Variants in NCAM1 observed in about 807,000 individuals in gnomAD.
NCAM1 encodes the protein antigen recognized by monoclonal antibody 5.1H11.
NCAM1 carries 14 observed loss-of-function variants against 109.8 expected under a neutral mutation model. That is an observed-to-expected ratio of 0.13 (90% CI 0.08 to 0.20). The LOEUF (loss-of-function observed/expected upper bound fraction) is 0.20. NCAM1 is among the 10% of genes least tolerant of loss of function. The probability of loss-of-function intolerance (pLI) is 1.00; values close to 1 mark genes in which losing one functional copy is unlikely to be tolerated. For synonymous variants in NCAM1, 418 were observed against 442.9 expected (o/e 0.94, Z 0.70); for missense variants, 774 against 1,109.9 (o/e 0.70, Z 4.30).
chr11:112,965,532 A>C (rs1488851044), intron 1 of NCAM1, among the ~76,000 whole-genome samples: 1 of 152,222 alleles, frequency 6.6e-6, no homozygotes, highest in Non-Finnish European at 1.5e-5. Context: ...TTTGTCACTC[A>C]AAAGCTAATC....
chr11:113,210,188 CATAAAGTAGTAATA>C (rs145181562), intron 7 of NCAM1, among the ~76,000 whole-genome samples: 3,821 of 152,232 alleles, frequency 0.025, 92 homozygotes, highest in East Asian at 0.073. Flanking sequence ...ACTTTAACTC[CATAAAGTAGTAATA>C]ATAATAATAT....
Position 113,276,018 on chromosome 11 carries a change from G to C in NCAM1, c.*631G>C, listed in dbSNP as rs1483162753. 1 of 152,460 alleles carries C rather than the reference G, an allele frequency of 6.6e-6. No individual in the cohort carries two copies. The highest frequency in any genetic ancestry group is 2.1e-4 in the South Asian group (1 of 4,814). The allele number at this position is 152,460 out of a possible 1,614,324, so 9.4% of individuals were successfully genotyped here. ...ACGAATGCCAAATTGCAGCTTCTGG[G>C]GGTAGATCTCAATTTGCAGTATTCA... On this transcript the variant is annotated 3_prime_UTR_variant, in exon 20 of 20. Coordinates refer to ENST00000316851, the MANE Select transcript of NCAM1 (RefSeq NM_181351.5).
intron 1 of NCAM1, among the ~76,000 whole-genome samples, chr11:113,060,039 T>C (rs1953860650): frequency 6.6e-6 from 1 of 152,328 alleles, no homozygotes; most frequent in South Asian, 2.1e-4. Flanking sequence ...GATTGAATAC[T>C]GGGTGTGAGA....
At chr11:113,134,455 C>G (rs1028488548) in intron 1 of NCAM1, among the ~76,000 whole-genome samples, 1 of 152,136 alleles carries the variant, frequency 6.6e-6, no homozygotes, top group Non-Finnish European at 1.5e-5. Flanking sequence ...ACAACTTTCC[C>G]ACTGTATCTT....
intron 14 of NCAM1, chr11:113,242,800 C>A: frequency 6.2e-7 from 1 of 1,613,416 alleles, no homozygotes; most frequent in Non-Finnish European, 8.5e-7. Flanking sequence ...GTCGTGTTTC[C>A]ATAGCAACTT....
chr11:113,224,929 C>G (rs572260302), intron 9 of NCAM1, among the ~76,000 whole-genome samples: 1 of 152,342 alleles, frequency 6.6e-6, no homozygotes, highest in East Asian at 1.9e-4. Flanking sequence ...AAAACCCCAT[C>G]TGCATGTCAC....
At chr11:113,259,343 G>T (rs1199499743) in intron 16 of NCAM1, among the ~76,000 whole-genome samples, 1 of 152,092 alleles carries the variant, frequency 6.6e-6, no homozygotes, top group Non-Finnish European at 1.5e-5. Flanking sequence ...GAGCCACCGC[G>T]CCCGGCCATA....
At chr11:113,009,875 G>C (rs1884) in intron 1 of NCAM1, among the ~76,000 whole-genome samples, 39,957 of 151,998 alleles carry the variant, frequency 0.26, 5,750 homozygotes, top group East Asian at 0.53. Context: ...TACTGGAAGG[G>C]AATAAAGTCA....
intron 1 of NCAM1, among the ~76,000 whole-genome samples, chr11:112,984,948 T>G (rs954910907): frequency 8.6e-6 from 1 of 116,656 alleles, no homozygotes; most frequent in Non-Finnish European, 1.8e-5. Context: ...TGCACTATCC[T>G]ATTTTTTTTT....
intron 1 of NCAM1, among the ~76,000 whole-genome samples, chr11:113,126,791 GAGAATA>G (rs1941197966): frequency 6.6e-6 from 1 of 152,172 alleles, no homozygotes; most frequent in Admixed American, 6.5e-5. Context: ...AACACAGACA[GAGAATA>G]AGCAAATTCA....
chr11:113,105,171 C>G (rs938204921), intron 1 of NCAM1, among the ~76,000 whole-genome samples: 1 of 152,162 alleles, frequency 6.6e-6, no homozygotes, highest in African/African-American at 2.4e-5. Flanking sequence ...TTTTGCTCAT[C>G]CTTGGCTATG....
intron 14 of NCAM1, chr11:113,240,872 C>T: frequency 6.3e-7 from 1 of 1,583,882 alleles, no homozygotes; most frequent in Non-Finnish European, 8.7e-7. Flanking sequence ...CTGCAGGTCA[C>T]TTTCCACCAG....
intron 1 of NCAM1, among the ~76,000 whole-genome samples, chr11:113,088,541 CGATCTCACT>C (rs34251883): frequency 0.78 from 117,423 of 151,438 alleles, 46,157 homozygotes; most frequent in African/African-American, 0.91. Flanking sequence ...TATGGCATAG[CGATCTCACT>C]GATCATTGGG....
chr11:112,965,492 T>C (rs1950708393), intron 1 of NCAM1, among the ~76,000 whole-genome samples: 1 of 152,230 alleles, frequency 6.6e-6, no homozygotes, highest in Non-Finnish European at 1.5e-5. Flanking sequence ...GAACAATGTC[T>C]TAATTGCCTT....
At chr11:113,247,893 TCAGACTTAAGATGA>T (rs1945548878) in intron 15 of NCAM1, among the ~76,000 whole-genome samples, 1 of 152,220 alleles carries the variant, frequency 6.6e-6, no homozygotes. Context: ...TGGATATTTT[TCAGACTTAAGATGA>T]CTGTTCAGTA....
intron 1 of NCAM1, among the ~76,000 whole-genome samples, chr11:113,101,395 G>A (rs781815298): frequency 4.6e-5 from 7 of 152,146 alleles, no homozygotes; most frequent in Non-Finnish European, 8.8e-5. Context: ...GTTTTTAATA[G>A]CATGGTTATT....
At chr11:113,256,069 A>T in intron 16 of NCAM1, 68 bp downstream of exon 16, 1 of 1,543,354 alleles carries the variant, frequency 6.5e-7, no homozygotes, top group Non-Finnish European at 8.8e-7. Context: ...CTAGGGAAAC[A>T]ACAGGGGCAG....
At chr11:112,971,399 T>TA (rs1555066793) in intron 1 of NCAM1, among the ~76,000 whole-genome samples, 1 of 151,784 alleles carries the variant, frequency 6.6e-6, no homozygotes, top group Non-Finnish European at 1.5e-5. Context: ...TGTAGTGGAG[T>TA]AAGAGTACGT....
In NCAM1 at chr11:113,099,976, G is replaced by A. The variant is rs1347259613; in HGVS notation, c.53-102403G>A. Among the ~76,000 whole-genome samples the A allele has an allele frequency of 2.6e-5, 4 of 152,234 alleles. No individual in the cohort carries two copies. In the East Asian group the frequency reaches 5.8e-4, roughly 22 times the overall value. The stretch of plus-strand genomic sequence containing the variant: ...GCTGGGATTATAGGTGTGAACCACC[G>A]CTCCCAGCCCCAGGGCTTTTTATTT... On this transcript the variant is annotated intron_variant, in intron 1 of 19. Transcript: ENST00000316851.
Sources: gnomAD v4.1 joint callset for allele counts (sites outside exome capture counted in the v4.1 genomes callset) on GRCh38, gnomAD v4.1.1 for gene constraint, MANE v1.5 for transcripts, NCBI Gene and HGNC (gene_info 2026-07-23, HGNC 2026-07-21) for gene names.